The following XYLT1 variants were observed in gnomAD, a reference collection of about 807,000 sequenced individuals.
XYLT1 encodes the protein beta-D-xylosyltransferase 1.
Under a neutral mutation model 91.3 loss-of-function variants are expected in XYLT1, and 36 were observed. The ratio of observed to expected loss-of-function variants is 0.39; its 90% confidence interval spans 0.30 to 0.52. The LOEUF is 0.52. Among genes scored for constraint, XYLT1 ranks in the 20% least tolerant of loss-of-function variants. The probability of loss-of-function intolerance (pLI) is 0.68; values close to 1 mark genes in which losing one functional copy is unlikely to be tolerated. For synonymous variants in XYLT1, 588 were observed against 532.0 expected, an observed-to-expected ratio of 1.11 and a Z score of -1.45; for missense variants, 1,242 against 1,284.5, an observed-to-expected ratio of 0.97 and a Z score of 0.51.
intron 3 of XYLT1, among the ~76,000 whole-genome samples, chr16:17,256,780 T>G (rs1005722793): frequency 6.6e-6 from 1 of 152,226 alleles, no homozygotes; most frequent in African/African-American, 2.4e-5. Context: ...AATTGACCAT[T>G]TGCCTTCTCA....
intron 2 of XYLT1, among the ~76,000 whole-genome samples, chr16:17,301,261 T>G (rs1296595103): frequency 1.3e-5 from 2 of 151,898 alleles, no homozygotes; most frequent in Admixed American, 1.3e-4. Context: ...AAATATAAAA[T>G]TAGCCAGGCA....
In XYLT1 at chr16:17,128,383, G is replaced by A. The variant is rs887391065; in HGVS notation, c.2028-522C>T. On this transcript the variant is annotated intron_variant, in intron 9 of 11. Coordinates refer to ENST00000261381, the MANE Select transcript of XYLT1 (RefSeq NM_022166.4). ...CACGATTTTGTATGTGTTGATGCTCGGTGTGTTTCATCATAGTTAATACCA... is the reference window on the plus strand; with the variant it reads ...CACGATTTTGTATGTGTTGATGCTCAGTGTGTTTCATCATAGTTAATACCA... Among the ~76,000 whole-genome samples the A allele has an allele frequency of 1.2e-4, 19 of 152,006 alleles. 1 individual carries two copies. Among genetic ancestry groups the A allele is most frequent in the South Asian group, 6.2e-4 (3 of 4,810 alleles).
rs954026624 is a variant in XYLT1, at chr16:17,200,228, G to GA, written c.1086+253dup. Among the ~76,000 whole-genome samples the GA allele has an allele frequency of 3.6e-5, 5 of 139,512 alleles. No individual in the cohort carries two copies. In the East Asian group the frequency reaches 1.0e-3, roughly 29 times the overall value. The allele number at this position is 139,512 out of a possible 152,430, so 91.5% of individuals were successfully genotyped here. A position where few individuals can be genotyped will look rare whatever the true frequency, so the allele number is the denominator to read the frequency against. On this transcript the variant is annotated intron_variant, in intron 4 of 11. Coordinates refer to ENST00000261381, the MANE Select transcript of XYLT1 (RefSeq NM_022166.4). The stretch of plus-strand genomic sequence containing the variant: ...GAGCGACATTCCATCAAAAAAAAAA[G>GA]AAAAAAAACCCCCCAAAAACAGCAT...
At chr16:17,186,587 C>CACT in intron 5 of XYLT1, among the ~76,000 whole-genome samples, 1 of 151,736 alleles carries the variant, frequency 6.6e-6, no homozygotes, top group African/African-American at 2.4e-5. Flanking sequence ...TAGGCATGAG[C>CACT]CACTGCGCCT....
intron 3 of XYLT1, among the ~76,000 whole-genome samples, chr16:17,241,625 A>C (rs1056357800): frequency 1.4e-4 from 21 of 152,312 alleles, no homozygotes; most frequent in Admixed American, 4.6e-4. Flanking sequence ...CAATGAGGAG[A>C]GGGAGGACAA....
chr16:17,394,265 T>G (rs553491271), intron 1 of XYLT1, among the ~76,000 whole-genome samples: 3 of 152,302 alleles, frequency 2.0e-5, no homozygotes, highest in East Asian at 3.9e-4. Context: ...GCTGGCCACC[T>G]CACTGGACGG....
intron 5 of XYLT1, among the ~76,000 whole-genome samples, chr16:17,187,998 G>C (rs1363049137): frequency 6.6e-6 from 1 of 152,030 alleles, no homozygotes; most frequent in Admixed American, 6.6e-5. Flanking sequence ...TGAGTCTCCT[G>C]AACGAGGCTG....
intron 2 of XYLT1, among the ~76,000 whole-genome samples, chr16:17,276,240 G>T (rs555589720): frequency 6.6e-6 from 1 of 152,292 alleles, no homozygotes; most frequent in South Asian, 2.1e-4. Flanking sequence ...TGGGGACAGG[G>T]GCTTCCGAGC....
At chr16:17,432,989 C>T (rs2036410555) in intron 1 of XYLT1, among the ~76,000 whole-genome samples, 1 of 152,182 alleles carries the variant, frequency 6.6e-6, no homozygotes, top group Admixed American at 6.5e-5. Flanking sequence ...TCGAAGATGC[C>T]TCCAAACCCA....
At chr16:17,173,438 G>A (rs1009368585) in intron 5 of XYLT1, among the ~76,000 whole-genome samples, 11 of 152,374 alleles carry the variant, frequency 7.2e-5, no homozygotes, top group South Asian at 2.1e-4. Context: ...TATGCATTAA[G>A]AGCATACTAG....
At chr16:17,161,675 G>GCTCTCTCT (rs111901583) in intron 5 of XYLT1, among the ~76,000 whole-genome samples, 16 of 94,614 alleles carry the variant, frequency 1.7e-4, no homozygotes, top group African/African-American at 5.3e-4. Context: ...AGTTTCTCGC[G>GCTCTCTCT]CGCTCTCTCT....
At chr16:17,207,506 G>T (rs2141595946) in intron 3 of XYLT1, among the ~76,000 whole-genome samples, 1 of 152,298 alleles carries the variant, frequency 6.6e-6, no homozygotes, top group East Asian at 1.9e-4. Context: ...CTGACTGACA[G>T]ATTTAGCCAG....
At chr16:17,290,134 A>C (rs1231772627) in intron 2 of XYLT1, among the ~76,000 whole-genome samples, 2 of 152,264 alleles carry the variant, frequency 1.3e-5, no homozygotes, top group African/African-American at 4.8e-5. Context: ...CTCAGTTAAA[A>C]GAAAAAGAAA....
intron 1 of XYLT1, among the ~76,000 whole-genome samples, chr16:17,464,214 C>T (rs1206611417): frequency 6.6e-6 from 1 of 152,142 alleles, no homozygotes; most frequent in African/African-American, 2.4e-5. Flanking sequence ...AAGACCCGGG[C>T]ACAGTGGCTC....
At chr16:17,217,216 G>A (rs1356858039) in intron 3 of XYLT1, among the ~76,000 whole-genome samples, 1 of 152,158 alleles carries the variant, frequency 6.6e-6, no homozygotes. Context: ...CACCACTTGG[G>A]GAGCTGCAGT....
chr16:17,204,966 CAAAAAAAAA>C (rs530525798), intron 3 of XYLT1, among the ~76,000 whole-genome samples: 4 of 81,272 alleles, frequency 4.9e-5, no homozygotes, highest in African/African-American at 1.4e-4. Context: ...TGCCCAGCTC[CAAAAAAAAA>C]AAAAAAAAAA....
intron 1 of XYLT1, among the ~76,000 whole-genome samples, chr16:17,422,346 G>A (rs1483353373): frequency 6.6e-6 from 1 of 151,944 alleles, no homozygotes; most frequent in Non-Finnish European, 1.5e-5. Flanking sequence ...ACAGGTGTGT[G>A]CCACTATGCC....
intron 6 of XYLT1, among the ~76,000 whole-genome samples, chr16:17,158,169 T>C (rs549329052): frequency 7.4e-4 from 112 of 152,350 alleles, no homozygotes; most frequent in African/African-American, 2.6e-3. Context: ...AGCTCAATGC[T>C]GAACTGCAGA....
intron 8 of XYLT1, 47 bp downstream of exon 8, chr16:17,138,308 T>A (rs752615290): frequency 6.9e-6 from 11 of 1,594,234 alleles, no homozygotes. Context: ...AGAGGTTTGT[T>A]GGGAAGGCAT....
Sources: allele counts gnomAD v4.1 joint callset (sites outside exome capture counted in the v4.1 genomes callset), GRCh38; gene constraint gnomAD v4.1.1; transcripts MANE v1.5; gene names NCBI Gene and HGNC (gene_info 2026-07-23, HGNC 2026-07-21).